Variants in ARL13B observed in about 807,000 individuals in gnomAD.
ARL13B encodes ARF like GTPase 13B, also known as ADP-ribosylation factor-like protein 13B.
In ARL13B, 36 loss-of-function variants were observed where a neutral mutation model predicts 56.1. The observed-to-expected ratio is 0.64, with a 90% CI of 0.49 to 0.85. ARL13B has a LOEUF of 0.85. Among genes scored for constraint, ARL13B ranks in the 40% least tolerant of loss-of-function variants. ARL13B has a pLI of 0.00. For synonymous variants in ARL13B, 178 were observed against 171.1 expected, an observed-to-expected ratio of 1.04 and a Z score of -0.32; for missense variants, 519 against 507.1, an observed-to-expected ratio of 1.02 and a Z score of -0.23.
At chr3:94,001,586 A>AT (rs773245792) in intron 2 of ARL13B, among the ~76,000 whole-genome samples, 8 of 151,720 alleles carry the variant, frequency 5.3e-5, no homozygotes, top group Non-Finnish European at 1.2e-4. Flanking sequence ...TCTCTAGCTT[A>AT]TTTTTTTTAA....
chr3:94,042,905 C>T, intron 6 of ARL13B, 110 bp from the exon 7 acceptor site: 1 of 812,004 alleles, frequency 1.2e-6, no homozygotes. Flanking sequence ...AGAAGTCTCA[C>T]AGTGTCCTTG....
chr3:94,011,131 T>C (rs1424187416), intron 3 of ARL13B, among the ~76,000 whole-genome samples: 1 of 152,148 alleles, frequency 6.6e-6, no homozygotes, highest in Non-Finnish European at 1.5e-5. Flanking sequence ...TTAAAAATTA[T>C]TTTGTATTGT....
chr3:94,042,713 A>G (rs1020895541), intron 6 of ARL13B, among the ~76,000 whole-genome samples: 3 of 152,144 alleles, frequency 2.0e-5, no homozygotes, highest in African/African-American at 7.2e-5. Flanking sequence ...GGCAGAGAAA[A>G]TCATCTCTTA....
intron 6 of ARL13B, 108 bp from the exon 7 acceptor site, chr3:94,042,907 G>C: frequency 1.2e-6 from 1 of 832,348 alleles, no homozygotes; most frequent in Non-Finnish European, 1.9e-6. Flanking sequence ...AAGTCTCACA[G>C]TGTCCTTGAA....
chr3:94,043,284 A>G, intron 7 of ARL13B, 44 bp downstream of exon 7: 3 of 1,483,954 alleles, frequency 2.0e-6, no homozygotes, highest in Non-Finnish European at 9.2e-7. Context: ...ATGTATATAT[A>G]AATAAAACTT....
intron 3 of ARL13B, among the ~76,000 whole-genome samples, chr3:94,010,862 ATAT>A (rs1195142746): frequency 1.3e-5 from 2 of 152,092 alleles, no homozygotes; most frequent in Admixed American, 6.6e-5. Context: ...ATAGTACTTA[ATAT>A]TATCAGTTTT....
intron 1 of ARL13B, among the ~76,000 whole-genome samples, chr3:93,989,719 A>G (rs1204544805): frequency 2.0e-5 from 3 of 152,142 alleles, no homozygotes; most frequent in Admixed American, 6.5e-5. Context: ...GTAATGTGCC[A>G]TATAGCTTAG....
intron 9 of ARL13B, 131 bp from the exon 10 acceptor site, chr3:94,053,056 A>G (rs1361068798): frequency 1.1e-5 from 8 of 741,868 alleles, no homozygotes; most frequent in Admixed American, 2.1e-5. Flanking sequence ...TTAGAGAGGC[A>G]TGTCAAGATT....
intron 6 of ARL13B, among the ~76,000 whole-genome samples, chr3:94,042,771 G>A (rs564128196): frequency 1.0e-3 from 157 of 152,226 alleles, no homozygotes; most frequent in Non-Finnish European, 1.9e-3. Flanking sequence ...CAGATGAATA[G>A]TAGTCATCTC....
chr3:93,994,682 A>G (rs1446064120), intron 1 of ARL13B, among the ~76,000 whole-genome samples: 1 of 152,104 alleles, frequency 6.6e-6, no homozygotes, highest in Non-Finnish European at 1.5e-5. Flanking sequence ...GAAATTATCA[A>G]TTTGGCTTTT....
chr3:93,980,516 G>A (rs375172683), intron 1 of ARL13B, 34 bp downstream of exon 1: 1 of 1,606,554 alleles, frequency 6.2e-7, no homozygotes, highest in Admixed American at 1.7e-5. Flanking sequence ...GCCGTCCTAG[G>A]GGTTGGAGAT....
rs2077111572 is a variant in ARL13B at position 94,054,365 on chromosome 3, G to A, written c.*1102G>A. ...CCAAAATAATTTCTTAATTTAAAATGATAGCACTTCTCTTGCACTTAAGAA... is the reference window on the plus strand; with the variant it reads ...CCAAAATAATTTCTTAATTTAAAATAATAGCACTTCTCTTGCACTTAAGAA... On this transcript the variant is annotated 3_prime_UTR_variant, in exon 10 of 10. Transcript: ENST00000394222. The A allele has an allele frequency of 7.0e-6, 3 of 428,112 alleles. No individual in the cohort carries two copies. Among genetic ancestry groups the A allele is most frequent in the African/African-American group, 4.1e-5 (2 of 48,820 alleles). 26.5% of individuals were successfully genotyped at this position (428,112 alleles called of 1,614,324 possible).
At chr3:93,992,939 G>A (rs945040776) in intron 1 of ARL13B, among the ~76,000 whole-genome samples, 1 of 151,162 alleles carries the variant, frequency 6.6e-6, no homozygotes, top group East Asian at 2.0e-4. Context: ...GACTACAGGC[G>A]TGCGCTGCCA....
chr3:94,009,505 A>T (rs1156785803), intron 3 of ARL13B, among the ~76,000 whole-genome samples: 1 of 152,104 alleles, frequency 6.6e-6, no homozygotes, highest in Non-Finnish European at 1.5e-5. Context: ...AATCAAACAT[A>T]CTTTTAGTAT....
intron 3 of ARL13B, among the ~76,000 whole-genome samples, chr3:94,024,817 G>A (rs575311631): frequency 2.0e-5 from 3 of 152,024 alleles, no homozygotes; most frequent in East Asian, 3.9e-4. Flanking sequence ...CTAACTCCTG[G>A]GCTCAAGCAA....
intron 3 of ARL13B, among the ~76,000 whole-genome samples, chr3:94,029,543 GTT>G (rs2076637719): frequency 6.6e-6 from 1 of 151,162 alleles, no homozygotes; most frequent in Admixed American, 6.6e-5. Flanking sequence ...GTTTCACCAT[GTT>G]TGCCAGGCTG....
chr3:93,999,069 T>G (rs1015782965), intron 2 of ARL13B, among the ~76,000 whole-genome samples: 4 of 151,064 alleles, frequency 2.6e-5, no homozygotes, highest in Non-Finnish European at 5.9e-5. Flanking sequence ...TCACAGTAGC[T>G]TTTTTCTAAT....
chr3:93,982,767 C>T (rs939951217), intron 1 of ARL13B, among the ~76,000 whole-genome samples: 7 of 152,062 alleles, frequency 4.6e-5, no homozygotes, highest in Non-Finnish European at 8.8e-5. Context: ...TGTTCAATGC[C>T]TGATTTATAA....
At chr3:94,047,662 A>G (rs1041812022) in intron 7 of ARL13B, among the ~76,000 whole-genome samples, 2 of 152,154 alleles carry the variant, frequency 1.3e-5, no homozygotes, top group African/African-American at 2.4e-5. Flanking sequence ...AAGATCATAT[A>G]TCTGTCTGTG....
Sources: gnomAD v4.1 joint callset for allele counts (sites outside exome capture counted in the v4.1 genomes callset) on GRCh38, gnomAD v4.1.1 for gene constraint, MANE v1.5 for transcripts, NCBI Gene and HGNC (gene_info 2026-07-23, HGNC 2026-07-21) for gene names.